SPOCK3: variants seen among roughly 807,000 people sequenced by gnomAD.
SPOCK3 encodes the protein SPARC (osteonectin), cwcv and kazal like domains proteoglycan 3.
A neutral mutation model predicts 56.6 loss-of-function variants in SPOCK3; 30 were observed. The ratio of observed to expected loss-of-function variants is 0.53; its 90% CI spans 0.40 to 0.72. The LOEUF is 0.72. Among genes scored for constraint, SPOCK3 ranks in the 30% least tolerant of loss-of-function variants. The pLI is 0.00. For missense variants in SPOCK3, 527 were observed against 530.0 expected (o/e 0.99, Z 0.06); for synonymous variants, 196 against 183.3 (o/e 1.07, Z -0.56).
chr4:166,765,795 G>A (rs549254044), intron 7 of SPOCK3, among the ~76,000 whole-genome samples: 2 of 152,282 alleles, frequency 1.3e-5, no homozygotes, highest in African/African-American at 4.8e-5. Flanking sequence ...CCATTTTTAT[G>A]ATATTGATTC....
intron 6 of SPOCK3, among the ~76,000 whole-genome samples, chr4:166,818,986 T>G (rs2126753270): frequency 6.6e-6 from 1 of 152,142 alleles, no homozygotes; most frequent in East Asian, 1.9e-4. Context: ...ACTTGTGAAA[T>G]TACCACTGAT....
intron 6 of SPOCK3, among the ~76,000 whole-genome samples, chr4:166,841,817 T>C (rs544645400): frequency 6.6e-6 from 1 of 152,226 alleles, no homozygotes; most frequent in African/African-American, 2.4e-5. Flanking sequence ...TATGATGAAA[T>C]ATTTCTCCCA....
chr4:166,980,878 G>C (rs1173690407), intron 4 of SPOCK3, among the ~76,000 whole-genome samples: 1 of 152,184 alleles, frequency 6.6e-6, no homozygotes, highest in Non-Finnish European at 1.5e-5. Context: ...AATGACCACA[G>C]CTCTTCTCTC....
At chr4:166,795,879 C>A (rs1477968907) in intron 6 of SPOCK3, among the ~76,000 whole-genome samples, 2 of 152,090 alleles carry the variant, frequency 1.3e-5, no homozygotes, top group Non-Finnish European at 2.9e-5. Flanking sequence ...AATGTTTATG[C>A]TCCCCCAGAT....
intron 7 of SPOCK3, among the ~76,000 whole-genome samples, chr4:166,787,840 C>G (rs1236209990): frequency 6.6e-6 from 1 of 151,986 alleles, no homozygotes; most frequent in Non-Finnish European, 1.5e-5. Flanking sequence ...TATAGGTATA[C>G]TGATGCAATT....
chr4:166,821,552 A>G (rs1744940819), intron 6 of SPOCK3, among the ~76,000 whole-genome samples: 1 of 152,084 alleles, frequency 6.6e-6, no homozygotes, highest in Admixed American at 6.6e-5. Context: ...TTCCTGGTAA[A>G]TGGATAAACA....
intron 3 of SPOCK3, among the ~76,000 whole-genome samples, chr4:167,004,256 C>A (rs1749240353): frequency 6.6e-6 from 1 of 152,026 alleles, no homozygotes; most frequent in Admixed American, 6.6e-5. Context: ...ATGAGCGACA[C>A]CTTAGGTAAG....
chr4:167,075,616 G>C lies in SPOCK3; in HGVS notation c.190-13079C>G, dbSNP rs114244013. 1.4e-3 allele frequency among the ~76,000 whole-genome samples: 211 copies of C among 152,016 alleles called. 1 individual carries two copies. The highest frequency in any genetic ancestry group is 4.9e-3 in the African/African-American group (204 of 41,526). ...ATCATTTTTGCTTATGGTAAAGGGA[G>C]ATAAAAACAATAACAATATTTTGCT... On this transcript the variant is annotated intron_variant, in intron 2 of 10. Transcript: ENST00000357545.
At chr4:167,036,793 A>G (rs1445725662) in intron 3 of SPOCK3, among the ~76,000 whole-genome samples, 2 of 150,108 alleles carry the variant, frequency 1.3e-5, no homozygotes, top group African/African-American at 4.9e-5. Flanking sequence ...TTTATGGTTT[A>G]TTTTTTTTTA....
Position 166,738,116 on chromosome 4 carries a change from G to A in SPOCK3, c.995-512C>T, listed in dbSNP as rs562504534. On this transcript the variant is annotated intron_variant, in intron 9 of 10. Coordinates refer to ENST00000357545, the MANE Select transcript of SPOCK3 (RefSeq NM_001040159.2). ...GTTTTGTCTCTTTACACATTATGTC[G>A]ACTAGAGTCTCTCTCCTCTCTCTTC... Among the ~76,000 whole-genome samples, 58 of 151,820 alleles carry A rather than the reference G, an allele frequency of 3.8e-4. 1 individual carries two copies. Among genetic ancestry groups the A allele is most frequent in the Non-Finnish European group, 1.6e-4 (11 of 67,998 alleles).
At chr4:166,755,601 A>T (rs913585594) in intron 7 of SPOCK3, among the ~76,000 whole-genome samples, 2 of 152,038 alleles carry the variant, frequency 1.3e-5, no homozygotes, top group African/African-American at 4.8e-5. Flanking sequence ...TCTCTTTTCT[A>T]CTCATTACAA....
chr4:167,187,276 T>TG (rs1732081040), intron 2 of SPOCK3, among the ~76,000 whole-genome samples: 1 of 151,806 alleles, frequency 6.6e-6, no homozygotes, highest in Admixed American at 6.6e-5. Flanking sequence ...TCCAGTTTTT[T>TG]TTTTTTTTTC....
At chr4:166,745,154 C>T (rs1735425103) in intron 8 of SPOCK3, among the ~76,000 whole-genome samples, 1 of 152,100 alleles carries the variant, frequency 6.6e-6, no homozygotes, top group Non-Finnish European at 1.5e-5. Flanking sequence ...AAAGACATTC[C>T]TCAAGAAGAG....
In SPOCK3 at chr4:166,912,693, G is replaced by T; in HGVS notation, c.401C>A (p.Ser134Tyr). The change falls in exon 5 of 11, where the codon TCC becomes TAC. Residue 134 changes from serine (S) to tyrosine (Y), a missense_variant. Coordinates refer to ENST00000357545, the MANE Select transcript of SPOCK3 (RefSeq NM_001040159.2). ...GACCACTGGGCACTGCTTGCAGGTG[G>T]ATAATATGGGACCCCTCCACTGCCT... ...DHRQWRGPILSTCKQCPVVYP... is the reference protein window; with the variant it reads ...DHRQWRGPILYTCKQCPVVYP... 6.2e-7 allele frequency: 1 copy of T among 1,613,328 alleles called. No homozygotes were observed. Among genetic ancestry groups the T allele is most frequent in the Non-Finnish European group, 8.5e-7 (1 of 1,179,612 alleles).
At chr4:166,955,694 GTT>G (rs1743382216) in intron 4 of SPOCK3, among the ~76,000 whole-genome samples, 1 of 146,418 alleles carries the variant, frequency 6.8e-6, no homozygotes, top group Non-Finnish European at 1.5e-5. Context: ...TATTAATAAA[GTT>G]TTCTTTTACA....
intron 4 of SPOCK3, among the ~76,000 whole-genome samples, chr4:166,948,013 T>C (rs780660912): frequency 6.6e-6 from 1 of 152,144 alleles, no homozygotes; most frequent in Admixed American, 6.5e-5. Flanking sequence ...CCTCTCCCCA[T>C]TCCTTCCTTC....
At chr4:166,812,782 G>C (rs929791917) in intron 6 of SPOCK3, among the ~76,000 whole-genome samples, 2 of 151,726 alleles carry the variant, frequency 1.3e-5, no homozygotes, top group African/African-American at 4.8e-5. Context: ...AGTCTTAAAG[G>C]CTATATATTT....
intron 3 of SPOCK3, among the ~76,000 whole-genome samples, chr4:167,012,603 A>C (rs1320325522): frequency 1.3e-5 from 2 of 151,964 alleles, no homozygotes; most frequent in African/African-American, 4.8e-5. Flanking sequence ...AAAGCAGATG[A>C]ATAGTAAAAC....
intron 7 of SPOCK3, among the ~76,000 whole-genome samples, chr4:166,776,371 C>A (rs1390197112): frequency 6.6e-6 from 1 of 152,200 alleles, no homozygotes; most frequent in African/African-American, 2.4e-5. Flanking sequence ...CGAGATTGCA[C>A]CACTGCACTC....
Sources: allele counts gnomAD v4.1 joint callset (sites outside exome capture counted in the v4.1 genomes callset), GRCh38; gene constraint gnomAD v4.1.1; transcripts MANE v1.5; gene names NCBI Gene and HGNC (gene_info 2026-07-23, HGNC 2026-07-21).